LMBRD1: variants seen among roughly 807,000 people sequenced by gnomAD.
LMBRD1 encodes the protein LMBR1 domain containing 1.
A neutral mutation model predicts 74.8 loss-of-function variants in LMBRD1; 64 were observed. That is an observed-to-expected ratio of 0.86 (90% confidence interval 0.70 to 1.05). The LOEUF (loss-of-function observed/expected upper bound fraction) is 1.05. Ranked by LOEUF, LMBRD1 falls within the 50% of genes least tolerant of loss-of-function variation. The pLI, the probability that LMBRD1 is intolerant of heterozygous loss-of-function variation, is 0.00. For synonymous variants in LMBRD1, 204 were observed against 216.3 expected (o/e 0.94, Z 0.50); for missense variants, 652 against 645.9 (o/e 1.01, Z -0.10).
At chr6:69,696,414 C>G (rs944144959) in intron 14 of LMBRD1, among the ~76,000 whole-genome samples, 1 of 152,050 alleles carries the variant, frequency 6.6e-6, no homozygotes, top group African/African-American at 2.4e-5. Context: ...CAGATCATAA[C>G]TTCTACTTTC....
At chr6:69,677,445 T>C (rs1008847667) in intron 14 of LMBRD1, among the ~76,000 whole-genome samples, 3 of 152,164 alleles carry the variant, frequency 2.0e-5, no homozygotes, top group African/African-American at 2.4e-5. Context: ...AGTGGGGTTC[T>C]AATTTCTATG....
In LMBRD1 at chr6:69,679,238, A is replaced by G. The variant is rs1765612730; in HGVS notation, c.1418-2697T>C. Among the ~76,000 whole-genome samples, 4 of 152,120 alleles carry G rather than the reference A, an allele frequency of 2.6e-5. No individual in the cohort carries two copies. The South Asian group carries it at 8.3e-4, about 32-fold the overall frequency. On this transcript the variant is annotated intron_variant, in intron 14 of 15. Coordinates refer to ENST00000649934, the MANE Select transcript of LMBRD1 (RefSeq NM_018368.4). ...ATATTCACAGTTTTCTAAGAAAACC[A>G]GAAAGCCTTTAAGCAGCATTAGCTG...
At chr6:69,710,272 A>T (rs1387661797) in intron 9 of LMBRD1, among the ~76,000 whole-genome samples, 1 of 152,138 alleles carries the variant, frequency 6.6e-6, no homozygotes, top group South Asian at 2.1e-4. Context: ...TCTTGAAAAA[A>T]AAATTATGCT....
intron 14 of LMBRD1, among the ~76,000 whole-genome samples, chr6:69,685,658 G>A (rs1243014932): frequency 1.3e-5 from 2 of 152,038 alleles, no homozygotes; most frequent in Admixed American, 6.6e-5. Context: ...AAAATTAGTT[G>A]GGCATGGTGG....
intron 7 of LMBRD1, 68 bp from the exon 8 acceptor site, chr6:69,719,149 A>T: frequency 6.7e-7 from 1 of 1,487,554 alleles, no homozygotes; most frequent in Admixed American, 1.8e-5. Flanking sequence ...ATTTTAGGTT[A>T]AAAATGTCTT....
intron 3 of LMBRD1, among the ~76,000 whole-genome samples, chr6:69,754,065 T>C (rs192856917): frequency 9.8e-5 from 15 of 152,314 alleles, no homozygotes; most frequent in African/African-American, 3.6e-4. Context: ...GATATGACTC[T>C]ACTTATATGA....
intron 7 of LMBRD1, among the ~76,000 whole-genome samples, chr6:69,722,078 T>C (rs1181296856): frequency 6.6e-6 from 1 of 152,172 alleles, no homozygotes; most frequent in Non-Finnish European, 1.5e-5. Context: ...TTTACTCCAA[T>C]TCCTGGCTCC....
At chr6:69,769,207 C>T (rs1765529422) in intron 3 of LMBRD1, among the ~76,000 whole-genome samples, 1 of 152,108 alleles carries the variant, frequency 6.6e-6, no homozygotes. Flanking sequence ...TTTAATCTTT[C>T]CTCTCTGATC....
intron 5 of LMBRD1, among the ~76,000 whole-genome samples, chr6:69,742,642 C>G (rs1767128727): frequency 6.6e-6 from 1 of 152,076 alleles, no homozygotes; most frequent in Non-Finnish European, 1.5e-5. Context: ...TAGGAAGTAA[C>G]TCTAATACCA....
chr6:69,676,662 CA>C (rs1294582851), intron 14 of LMBRD1, 121 bp from the exon 15 acceptor site: 3 of 806,516 alleles, frequency 3.7e-6, no homozygotes, highest in Non-Finnish European at 6.2e-6. Context: ...TAGTAAGTGT[CA>C]GAGATGGTAC....
rs550346044 is a variant in LMBRD1, at chr6:69,709,252, A to G, written c.915+4393T>C. On this transcript the variant is annotated intron_variant, in intron 9 of 15. Transcript: ENST00000649934. ...TCCATCTCAAAAAAAAAAAAAGAAA[A>G]GAAACATTAATTGAAAATTTGGCTT... 3.9e-5 allele frequency among the ~76,000 whole-genome samples: 6 copies of G among 152,226 alleles called. No individual in the cohort carries two copies. The South Asian group carries it at 1.2e-3, about 32-fold the overall frequency.
chr6:69,768,749 G>A (rs1355505531), intron 3 of LMBRD1, among the ~76,000 whole-genome samples: 2 of 151,864 alleles, frequency 1.3e-5, no homozygotes, highest in African/African-American at 4.8e-5. Flanking sequence ...TAGCATTCTT[G>A]TAAGAAAGGG....
rs558356912 is a variant in LMBRD1, at chr6:69,735,245, C to T, written c.636+2697G>A. ...TGCCATTCCAACTGCAGGGTGCACT[C>T]ACACATACCTACACTAACTCCTACT... On this transcript the variant is annotated intron_variant, in intron 7 of 15. Transcript: ENST00000649934. Among the ~76,000 whole-genome samples the T allele has an allele frequency of 3.7e-4, 57 of 152,282 alleles. No homozygotes were observed. The Middle Eastern group carries it at 0.01, about 27-fold the overall frequency.
Position 69,738,154 on chromosome 6 carries a change from T to G in LMBRD1, c.563-139A>C. ...AATATGTATTACCGTATTCTTGAAGTGCTAACTCCAAGTGGAGAAAAGAGT... is the reference window on the plus strand; with the variant it reads ...AATATGTATTACCGTATTCTTGAAGGGCTAACTCCAAGTGGAGAAAAGAGT... On this transcript the variant is annotated intron_variant, in intron 6 of 15. Transcript: ENST00000649934. 6.7e-6 allele frequency: 4 copies of G among 594,100 alleles called. 1 individual carries two copies. Among genetic ancestry groups the G allele is most frequent in the Non-Finnish European group, 8.9e-6 (3 of 335,562 alleles). 36.8% of individuals were successfully genotyped at this position (594,100 alleles called of 1,614,324 possible).
rs550553571 is a variant in LMBRD1 at position 69,775,018 on chromosome 6, G to A, written c.307+5476C>T. On this transcript the variant is annotated intron_variant, in intron 3 of 15. Coordinates refer to ENST00000649934, the MANE Select transcript of LMBRD1 (RefSeq NM_018368.4). ...GGGAGGGAGGGAGGGAGGGAGGGAG[G>A]GAGGGAGGGAGGGAGGGAAGGAAGG... 6.3e-5 allele frequency among the ~76,000 whole-genome samples: 6 copies of A among 94,734 alleles called. 2 individuals are homozygous for A. The highest frequency in any genetic ancestry group is 3.7e-4 in the African/African-American group (6 of 16,078). 62.1% of individuals were successfully genotyped at this position (94,734 alleles called of 152,430 possible).
At position 69,719,046 on chromosome 6, in the gene LMBRD1, T is replaced by C; in HGVS notation, c.672A>G (p.Ile224Met). ...YGMSALPLNL[I>M]KGTRSAAYER... ...CATAAGCAGCGCTTCTAGTGCCTTT[T>C]ATCAGATTTAAAGGTAACGCAGACA... Residue 224 changes from isoleucine to methionine, a missense_variant, in exon 8 of 16, where the codon ATA becomes ATG. Ile to Met is a conservative substitution (Grantham distance 10, BLOSUM62 1). This residue lies in a region of LMBRD1 where 598 missense variants were observed against 581.8 expected (regional missense o/e 1.03). Transcript: ENST00000649934. 1 of 1,612,940 alleles carries C rather than the reference T, an allele frequency of 6.2e-7. No homozygotes were observed.
intron 3 of LMBRD1, among the ~76,000 whole-genome samples, chr6:69,767,209 T>C (rs534978194): frequency 1.3e-5 from 2 of 151,740 alleles, no homozygotes; most frequent in African/African-American, 2.4e-5. Flanking sequence ...TTCTATTTCA[T>C]TGATGTCTGC....
chr6:69,749,912 GTA>G (rs1491459417), intron 4 of LMBRD1, among the ~76,000 whole-genome samples: 3 of 102,550 alleles, frequency 2.9e-5, no homozygotes, highest in African/African-American at 1.3e-4. Flanking sequence ...ACATATATAA[GTA>G]TATATACACA....
In LMBRD1 at chr6:69,796,844, A is replaced by G; in HGVS notation, c.38T>C (p.Ile13Thr). ...TSGAASAELV[I>T]GWCIFGLLLL... Reference sequence around the variant, plus strand: ...TAAGAGGCCGAATATGCACCAGCCGATCACCAGCTCCGCCGAGGCCGCGCC... The same window carrying G: ...TAAGAGGCCGAATATGCACCAGCCGGTCACCAGCTCCGCCGAGGCCGCGCC... Residue 13 changes from isoleucine (I) to threonine (T), a missense_variant, in exon 1 of 16, where the codon ATC (isoleucine) becomes ACC (threonine). Transcript: ENST00000649934. The G allele has an allele frequency of 6.2e-7, 1 of 1,614,014 alleles. No homozygotes were observed. The highest frequency in any genetic ancestry group is 1.1e-5 in the South Asian group (1 of 91,078).
Sources: allele counts gnomAD v4.1 joint callset (sites outside exome capture counted in the v4.1 genomes callset), GRCh38; gene constraint gnomAD v4.1.1; regional missense constraint gnomAD v4.1.1; transcripts MANE v1.5; gene names NCBI Gene and HGNC (gene_info 2026-07-23, HGNC 2026-07-21).